METTL15: variants seen among roughly 807,000 people sequenced by gnomAD.
METTL15 encodes methyltransferase 15, mitochondrial 12S rRNA N4-cytidine.
METTL15 carries 34 observed loss-of-function variants against 38.3 expected under a neutral mutation model. The ratio of observed to expected loss-of-function variants is 0.89; its 90% confidence interval spans 0.68 to 1.18. METTL15 has a LOEUF of 1.18. Among genes scored for constraint, METTL15 ranks in the 50% most tolerant of loss-of-function variants. The pLI is 0.00. For synonymous variants in METTL15, 162 were observed against 170.9 expected, an observed-to-expected ratio of 0.95 and a Z score of 0.41; for missense variants, 438 against 498.4, an observed-to-expected ratio of 0.88 and a Z score of 1.15.
At chr11:28,336,509 C>T (rs1278725370), downstream of METTL15, among the ~76,000 whole-genome samples, 1 of 152,186 alleles carries the variant, frequency 6.6e-6, no homozygotes, top group East Asian at 1.9e-4. Flanking sequence ...TAAAAAGGAC[C>T]AATAAAAGTG....
chr11:28,215,119 A>G (rs181296546), intron 4 of METTL15, among the ~76,000 whole-genome samples: 4 of 152,324 alleles, frequency 2.6e-5, no homozygotes, highest in Non-Finnish European at 1.5e-5. Context: ...AAAAGGATAT[A>G]TGGTCTAATG....
At chr11:28,174,183 C>T (rs1850965535) in intron 3 of METTL15, among the ~76,000 whole-genome samples, 1 of 152,156 alleles carries the variant, frequency 6.6e-6, no homozygotes, top group African/African-American at 2.4e-5. Context: ...GGCAATTCGT[C>T]TCTTCTCCAT....
chr11:28,123,830 CT>C, intron 3 of METTL15: 1 of 1,380,100 alleles, frequency 7.2e-7, no homozygotes, highest in Non-Finnish European at 9.8e-7. Flanking sequence ...TGAAATCTTT[CT>C]TTTGTTACAT....
intron 6 of METTL15, among the ~76,000 whole-genome samples, chr11:28,512,707 G>A (rs1296705534): frequency 6.6e-6 from 1 of 152,122 alleles, no homozygotes; most frequent in East Asian, 1.9e-4. Context: ...TCCCTCTCGC[G>A]CCTCTCCCTC....
At chr11:28,390,626 C>T (rs559490694) in intron 5 of METTL15, among the ~76,000 whole-genome samples, 1 of 152,330 alleles carries the variant, frequency 6.6e-6, no homozygotes, top group African/African-American at 2.4e-5. Context: ...GTTTTGGTTA[C>T]TGTAGCCTTG....
At chr11:28,179,620 G>A (rs1403771160) in intron 3 of METTL15, among the ~76,000 whole-genome samples, 1 of 151,624 alleles carries the variant, frequency 6.6e-6, no homozygotes, top group Non-Finnish European at 1.5e-5. Context: ...TTTTAAAATT[G>A]CAGTAATCTA....
intron 4 of METTL15, among the ~76,000 whole-genome samples, chr11:28,215,796 G>A (rs1011091625): frequency 1.1e-4 from 17 of 152,092 alleles, no homozygotes; most frequent in South Asian, 6.2e-4. Flanking sequence ...ACTTTGTGAG[G>A]CCAAAGCAGG....
At chr11:28,406,390 G>A (rs944453210) in intron 5 of METTL15, among the ~76,000 whole-genome samples, 4 of 152,002 alleles carry the variant, frequency 2.6e-5, no homozygotes, top group African/African-American at 7.2e-5. Flanking sequence ...CCTATTGTTG[G>A]TGTAAAGGAA....
intron 6 of METTL15, among the ~76,000 whole-genome samples, chr11:28,322,088 C>A (rs997695808): frequency 5.3e-5 from 8 of 151,792 alleles, no homozygotes; most frequent in South Asian, 4.2e-4. Flanking sequence ...AGAAATATAT[C>A]AAAAAATAGA....
intron 6 of METTL15, among the ~76,000 whole-genome samples, chr11:28,507,806 A>G (rs985548778): frequency 6.6e-5 from 10 of 152,150 alleles, no homozygotes; most frequent in Admixed American, 6.5e-4. Flanking sequence ...CTACTTCTCA[A>G]GTCCCTGAGA....
At chr11:28,131,161 A>G (rs1307401403) in intron 3 of METTL15, among the ~76,000 whole-genome samples, 1 of 152,166 alleles carries the variant, frequency 6.6e-6, no homozygotes. Context: ...GCACAGAGCA[A>G]TATGTCGATT....
intron 3 of METTL15, among the ~76,000 whole-genome samples, chr11:28,338,557 T>C (rs1439721452): frequency 6.6e-6 from 1 of 152,060 alleles, no homozygotes; most frequent in Non-Finnish European, 1.5e-5. Context: ...TGGTGACTCA[T>C]GTGAATTGTT....
intron 6 of METTL15, among the ~76,000 whole-genome samples, chr11:28,507,766 T>G (rs1851640989): frequency 6.6e-6 from 1 of 152,208 alleles, no homozygotes; most frequent in Non-Finnish European, 1.5e-5. Flanking sequence ...TGTTATTTTC[T>G]TCTCTAACCA....
intron 6 of METTL15, among the ~76,000 whole-genome samples, chr11:28,325,431 A>T (rs1391985013): frequency 6.6e-6 from 1 of 152,180 alleles, no homozygotes; most frequent in Non-Finnish European, 1.5e-5. Flanking sequence ...CACAGGCTTT[A>T]TACATAAGTT....
intron 6 of METTL15, among the ~76,000 whole-genome samples, chr11:28,449,851 C>T (rs2133446614): frequency 6.6e-6 from 1 of 152,280 alleles, no homozygotes; most frequent in South Asian, 2.1e-4. Context: ...GATCAGCCTT[C>T]CAGCTGTTCC....
At chr11:28,274,490 A>C (rs1373373362) in intron 4 of METTL15, among the ~76,000 whole-genome samples, 3 of 152,144 alleles carry the variant, frequency 2.0e-5, no homozygotes, top group Admixed American at 1.3e-4. Flanking sequence ...GGCTAAGGAA[A>C]GACATAGTAT....
intron 4 of METTL15, among the ~76,000 whole-genome samples, chr11:28,271,802 A>T (rs1855650786): frequency 6.6e-6 from 1 of 152,162 alleles, no homozygotes; most frequent in African/African-American, 2.4e-5. Context: ...AATGAAAGAA[A>T]ATTTTTGCAA....
chr11:28,433,870 G>T (rs1235763262), intron 6 of METTL15, among the ~76,000 whole-genome samples: 1 of 152,016 alleles, frequency 6.6e-6, no homozygotes, highest in African/African-American at 2.4e-5. Flanking sequence ...ATACCACTGA[G>T]AATCCCCCCA....
At position 28,423,751 on chromosome 11, in the gene METTL15, C is replaced by CA. The variant is rs1302092660; in HGVS notation, c.*359-541dup. 2.6e-5 allele frequency among the ~76,000 whole-genome samples: 4 copies of CA among 151,406 alleles called. No homozygotes were observed. The East Asian group carries it at 5.8e-4, about 22-fold the overall frequency. On this transcript the variant is annotated intron_variant and NMD_transcript_variant, in intron 5 of 7. Transcript: ENST00000532947. Reference sequence around the variant, plus strand: ...GAGTAGTAGGGATAGTTAAAGGGGCCAAAAAAATAGTTGGAAAGAATGAGT... The same window carrying CA: ...GAGTAGTAGGGATAGTTAAAGGGGCCAAAAAAAATAGTTGGAAAGAATGAGT...
Sources: gnomAD v4.1 joint callset for allele counts (sites outside exome capture counted in the v4.1 genomes callset) on GRCh38, gnomAD v4.1.1 for gene constraint, MANE v1.5 for transcripts, NCBI Gene and HGNC (gene_info 2026-07-23, HGNC 2026-07-21) for gene names.